PKHD1L1: variants seen among roughly 807,000 people sequenced by gnomAD.
PKHD1L1 encodes fibrocystin-L.
PKHD1L1 carries 434 observed loss-of-function variants against 462.9 expected under a neutral mutation model. That is an observed-to-expected ratio of 0.94 (90% confidence interval 0.87 to 1.02). PKHD1L1 has a LOEUF of 1.02. PKHD1L1 is among the 50% of genes least tolerant of loss of function. PKHD1L1 has a pLI of 0.00. For missense variants in PKHD1L1, 5,202 were observed against 5,096.1 expected (o/e 1.02, Z -0.63); for synonymous variants, 1,781 against 1,750.0 (o/e 1.02, Z -0.44).
intron 16 of PKHD1L1, 97 bp downstream of exon 16, chr8:109,405,227 T>C (rs1813474082): frequency 2.6e-6 from 2 of 758,228 alleles, no homozygotes; most frequent in African/African-American, 1.8e-5. Context: ...CTGGAAAATA[T>C]AGTTTTGATG....
chr8:109,404,038 C>A (rs1394184453), intron 14 of PKHD1L1, among the ~76,000 whole-genome samples: 1 of 152,110 alleles, frequency 6.6e-6, no homozygotes, highest in East Asian at 1.9e-4. Flanking sequence ...CATAGTAAAT[C>A]TGACCGGTAA....
intron 77 of PKHD1L1, among the ~76,000 whole-genome samples, chr8:109,528,475 C>G (rs555543213): frequency 6.6e-6 from 1 of 152,300 alleles, no homozygotes; most frequent in Non-Finnish European, 1.5e-5. Context: ...AAGACTCCCT[C>G]CTTTTACCAA....
At chr8:109,442,654 CTTTCA>C (rs1815866811) in intron 35 of PKHD1L1, among the ~76,000 whole-genome samples, 1 of 152,006 alleles carries the variant, frequency 6.6e-6, no homozygotes, top group Non-Finnish European at 1.5e-5. Context: ...AAAAAATTTT[CTTTCA>C]TTTCATGTTG....
intron 29 of PKHD1L1, 97 bp downstream of exon 29, chr8:109,435,451 G>T (rs1351550479): frequency 1.5e-6 from 2 of 1,311,994 alleles, no homozygotes; most frequent in East Asian, 2.4e-5. Context: ...GGATCCCAAA[G>T]CTTCCTCTTA....
intron 8 of PKHD1L1, 58 bp from the exon 9 acceptor site, chr8:109,390,394 G>A (rs889703362): frequency 4.1e-6 from 4 of 973,690 alleles, no homozygotes; most frequent in Admixed American, 3.3e-5. Context: ...ATAATATAGA[G>A]TTATTGTTCT....
chr8:109,472,642 G>A (rs930136022), intron 50 of PKHD1L1, among the ~76,000 whole-genome samples: 1 of 151,892 alleles, frequency 6.6e-6, no homozygotes, highest in African/African-American at 2.4e-5. Context: ...GAATTAAATG[G>A]AATTAGTTGC....
At position 109,532,786 on chromosome 8, in the gene PKHD1L1, C is replaced by A. The variant is rs1821070340; in HGVS notation, c.*2696C>A. Among the ~76,000 whole-genome samples, 2 of 152,218 alleles carry A rather than the reference C, an allele frequency of 1.3e-5. No individual in the cohort carries two copies. The highest frequency in any genetic ancestry group is 6.5e-5 in the Admixed American group (1 of 15,286). On this transcript the variant is annotated 3_prime_UTR_variant, in exon 78 of 78. Coordinates refer to ENST00000378402, the MANE Select transcript of PKHD1L1 (RefSeq NM_177531.6). Reference sequence around the variant, plus strand: ...CACCTTGTGATCATTGCAATGACTTCTAGATGGTCCATCTGTTTTTACCTT... The same window carrying A: ...CACCTTGTGATCATTGCAATGACTTATAGATGGTCCATCTGTTTTTACCTT...
intron 72 of PKHD1L1, among the ~76,000 whole-genome samples, chr8:109,516,411 C>T (rs1163338439): frequency 1.3e-5 from 2 of 152,066 alleles, no homozygotes; most frequent in Non-Finnish European, 2.9e-5. Context: ...TGCAAGCAAG[C>T]TCCCTGGTGT....
chr8:109,468,565 C>T (rs1817563540), intron 50 of PKHD1L1, among the ~76,000 whole-genome samples: 1 of 152,132 alleles, frequency 6.6e-6, no homozygotes, highest in Non-Finnish European at 1.5e-5. Context: ...AATACTCAAA[C>T]CAGATTTTAT....
At chr8:109,387,496 G>C (rs116150882) in intron 6 of PKHD1L1, among the ~76,000 whole-genome samples, 3,639 of 152,180 alleles carry the variant, frequency 0.024, 139 homozygotes, top group African/African-American at 0.084. Flanking sequence ...TTCTGTTTCA[G>C]TTTTTTCATC....
intron 2 of PKHD1L1, among the ~76,000 whole-genome samples, chr8:109,372,111 C>A: frequency 6.6e-6 from 1 of 152,162 alleles, no homozygotes; most frequent in Non-Finnish European, 1.5e-5. Context: ...GCCGTTTTCA[C>A]AATATTGATT....
In PKHD1L1 at chr8:109,530,189, A is replaced by G; in HGVS notation, c.*99A>G. 1.6e-6 allele frequency: 1 copy of G among 636,032 alleles called. No homozygotes were observed. The allele number at this position is 636,032 out of a possible 1,614,324, so 39.4% of individuals were successfully genotyped here. ...GTCTATAGCATTTTCATGAAAATAT[A>G]CTAAAAATATTTTTATGATATATAA... is the stretch of plus-strand genomic sequence containing the variant. On this transcript the variant is annotated 3_prime_UTR_variant, in exon 78 of 78. Transcript: ENST00000378402.
chr8:109,500,727 C>G (rs575924158), intron 67 of PKHD1L1, among the ~76,000 whole-genome samples: 1 of 149,056 alleles, frequency 6.7e-6, no homozygotes, highest in East Asian at 2.0e-4. Flanking sequence ...CCTTATGAAG[C>G]CATGACTTCT....
chr8:109,415,864 G>GGTGTGTGTGTGTGTGTGT (rs552265043), intron 21 of PKHD1L1, among the ~76,000 whole-genome samples: 3 of 100,408 alleles, frequency 3.0e-5, no homozygotes, highest in African/African-American at 7.0e-5. Context: ...AAAAAAAAGG[G>GGTGTGTGTGTGTGTGTGT]GTGTGTGTGT....
At chr8:109,380,694 A>G (rs1315185467) in intron 2 of PKHD1L1, among the ~76,000 whole-genome samples, 1 of 152,192 alleles carries the variant, frequency 6.6e-6, no homozygotes, top group African/African-American at 2.4e-5. Context: ...AATTCCCAGC[A>G]ATATTGAGCC....
Position 109,534,238 on chromosome 8 carries a change from G to A in PKHD1L1, c.*4148G>A, listed in dbSNP as rs553612824. ...AGCACTCTGGGAGGCCAAGGCAGGC[G>A]GATCACGAGGTCAGGAGATCGAGAC... On this transcript the variant is annotated 3_prime_UTR_variant, in exon 78 of 78. Transcript: ENST00000378402. Among the ~76,000 whole-genome samples, 37 of 152,338 alleles carry A rather than the reference G, an allele frequency of 2.4e-4. No homozygotes were observed. The highest frequency in any genetic ancestry group is 8.2e-4 in the African/African-American group (34 of 41,578).
In PKHD1L1 at chr8:109,533,337, G is replaced by A. The variant is rs771035592; in HGVS notation, c.*3247G>A. ...ACATGTAACACAGTGCCTAACAGGC[G>A]GTAAAATGATAGCCACTCTTGTTTT... On this transcript the variant is annotated 3_prime_UTR_variant, in exon 78 of 78. Transcript: ENST00000378402. Among the ~76,000 whole-genome samples the A allele has an allele frequency of 1.8e-4, 27 of 152,130 alleles. No individual in the cohort carries two copies. The highest frequency in any genetic ancestry group is 1.3e-3 in the Admixed American group (20 of 15,268).
chr8:109,464,369 G>A lies in PKHD1L1; in HGVS notation c.7537G>A (p.Val2513Ile), dbSNP rs748447816. 7 of 1,613,262 alleles carry A rather than the reference G, an allele frequency of 4.3e-6. No individual in the cohort carries two copies. The highest frequency in any genetic ancestry group is 5.9e-6 in the Non-Finnish European group (7 of 1,179,584). ...VTIHNTHHLL[V>I]ERNIIYDIKG... ...TATTCATAACACACACCATCTTCTG[G>A]TTGAGAGGAATATTATATATGATAT... The change falls in exon 49 of 78, where the codon GTT becomes ATT. Residue 2513 changes from valine to isoleucine, a missense_variant. Physicochemically the swap from Val to Ile is conservative, Grantham distance 29 (BLOSUM62 3). Coordinates refer to ENST00000378402, the MANE Select transcript of PKHD1L1 (RefSeq NM_177531.6).
At chr8:109,492,089 C>A in intron 62 of PKHD1L1, 95 bp downstream of exon 62, 1 of 1,000,200 alleles carries the variant, frequency 1.0e-6, no homozygotes, top group Non-Finnish European at 1.3e-6. Context: ...AGTGAATGCA[C>A]TTTTAAAAAG....
Sources: gnomAD v4.1 joint callset for allele counts (sites outside exome capture counted in the v4.1 genomes callset) on GRCh38, gnomAD v4.1.1 for gene constraint, MANE v1.5 for transcripts, NCBI Gene and HGNC (gene_info 2026-07-23, HGNC 2026-07-21) for gene names.